The following DLGAP2 variants were observed in gnomAD, a reference collection of about 807,000 sequenced individuals.
DLGAP2 encodes disks large-associated protein 2.
In DLGAP2, 26 loss-of-function variants were observed where a neutral mutation model predicts 100.3. The ratio of observed to expected loss-of-function variants is 0.26; its 90% CI spans 0.19 to 0.36. DLGAP2 has a LOEUF of 0.36. Among genes scored for constraint, DLGAP2 ranks in the 10% least tolerant of loss-of-function variants. DLGAP2 has a pLI of 1.00. For missense variants in DLGAP2, 1,858 were observed against 1,453.2 expected, an observed-to-expected ratio of 1.28 and a Z score of -4.53; for synonymous variants, 886 against 630.1, an observed-to-expected ratio of 1.41 and a Z score of -6.08.
chr8:1,132,208 A>G (rs574093953), intron 2 of DLGAP2, among the ~76,000 whole-genome samples: 2 of 152,354 alleles, frequency 1.3e-5, no homozygotes, highest in South Asian at 4.1e-4. Context: ...ATAGAAAGCC[A>G]TGTTTTTGAT....
At chr8:1,439,335 G>T (rs531463329) in intron 3 of DLGAP2, among the ~76,000 whole-genome samples, 10 of 152,184 alleles carry the variant, frequency 6.6e-5, no homozygotes, top group Admixed American at 6.5e-5. Context: ...CGCGCTGTCT[G>T]TGGGAGCTAG....
At chr8:1,309,399 A>G (rs57053327) in intron 3 of DLGAP2, among the ~76,000 whole-genome samples, 2 of 152,298 alleles carry the variant, frequency 1.3e-5, no homozygotes, top group South Asian at 4.1e-4. Flanking sequence ...ATTTTCCAGA[A>G]AAAGCTTATC....
At chr8:1,662,105 C>T (rs897232185) in intron 8 of DLGAP2, among the ~76,000 whole-genome samples, 5 of 152,228 alleles carry the variant, frequency 3.3e-5, no homozygotes, top group Non-Finnish European at 5.9e-5. Flanking sequence ...TGAACTGATG[C>T]TTTGGAAATC....
In DLGAP2 at chr8:1,327,663, T is replaced by C. The variant is rs528141350; in HGVS notation, c.106+68780T>C. On this transcript the variant is annotated intron_variant, in intron 3 of 14. Coordinates refer to ENST00000637795, the MANE Select transcript of DLGAP2 (RefSeq NM_001346810.2). ...ATCGAGACCATCCTGACTAACACCATGAAACCCCATCTCTACTAAAAATAC... is the reference window on the plus strand; with the variant it reads ...ATCGAGACCATCCTGACTAACACCACGAAACCCCATCTCTACTAAAAATAC... Among the ~76,000 whole-genome samples the C allele has an allele frequency of 5.3e-5, 8 of 152,098 alleles. No individual in the cohort carries two copies. In the South Asian group the frequency reaches 1.7e-3, roughly 32 times the overall value.
At chr8:944,191 G>A (rs145498750) in intron 2 of DLGAP2, among the ~76,000 whole-genome samples, 230 of 151,856 alleles carry the variant, frequency 1.5e-3, no homozygotes, top group African/African-American at 4.8e-3. Flanking sequence ...GCGGTAACCC[G>A]TCCCTGTGAG....
chr8:1,490,332 C>T (rs367791761), intron 3 of DLGAP2, among the ~76,000 whole-genome samples: 8 of 152,306 alleles, frequency 5.3e-5, no homozygotes, highest in African/African-American at 1.9e-4. Context: ...GTTGAAAAGG[C>T]GCCTGTGGAG....
intron 3 of DLGAP2, among the ~76,000 whole-genome samples, chr8:1,467,248 C>T (rs954278815): frequency 1.3e-5 from 2 of 150,366 alleles, no homozygotes; most frequent in African/African-American, 5.0e-5. Context: ...TCCTTCACCA[C>T]GGTCCCTCCC....
chr8:1,288,633 C>A (rs1226722674), intron 3 of DLGAP2, among the ~76,000 whole-genome samples: 29 of 127,018 alleles, frequency 2.3e-4, no homozygotes, highest in Non-Finnish European at 4.5e-4. Context: ...AGTTTCATTT[C>A]AGTGTGTGTG....
At chr8:972,717 T>G (rs918787759) in intron 2 of DLGAP2, among the ~76,000 whole-genome samples, 2 of 152,118 alleles carry the variant, frequency 1.3e-5, no homozygotes, top group Admixed American at 6.6e-5. Flanking sequence ...GATCAGCAGA[T>G]AAACAAGTGA....
At chr8:1,513,507 C>T (rs748312966) in intron 4 of DLGAP2, among the ~76,000 whole-genome samples, 3 of 152,232 alleles carry the variant, frequency 2.0e-5, no homozygotes, top group Non-Finnish European at 4.4e-5. Context: ...GGGCCGTCAC[C>T]CCCATCAGTG....
intron 2 of DLGAP2, among the ~76,000 whole-genome samples, chr8:915,255 AC>A (rs1436711686): frequency 6.6e-6 from 1 of 152,044 alleles, no homozygotes; most frequent in African/African-American, 2.4e-5. Context: ...CATCTGTGAA[AC>A]CCATCACTGG....
chr8:926,535 C>A (rs1798819813), intron 2 of DLGAP2, among the ~76,000 whole-genome samples: 1 of 152,220 alleles, frequency 6.6e-6, no homozygotes, highest in Non-Finnish European at 1.5e-5. Flanking sequence ...GAATCTGTGC[C>A]CATTGCTCTC....
At chr8:1,027,741 T>C (rs376600695) in intron 2 of DLGAP2, among the ~76,000 whole-genome samples, 43 of 63,204 alleles carry the variant, frequency 6.8e-4, no homozygotes, top group Admixed American at 6.5e-4. Flanking sequence ...AGGTGGGGTG[T>C]CAGGCGCCCG....
At chr8:1,652,852 C>T (rs946948798) in intron 8 of DLGAP2, among the ~76,000 whole-genome samples, 2 of 152,102 alleles carry the variant, frequency 1.3e-5, no homozygotes, top group East Asian at 1.9e-4. Context: ...AAGTAAATTG[C>T]CTCCTTGGTC....
rs78425672 is a variant in DLGAP2, at chr8:1,203,624, A to G, written c.74-55227A>G. Among the ~76,000 whole-genome samples, 812 of 152,308 alleles carry G rather than the reference A, an allele frequency of 5.3e-3. 12 individuals carry two copies. Among genetic ancestry groups the G allele is most frequent in the African/African-American group, 0.019 (777 of 41,566 alleles). On this transcript the variant is annotated intron_variant, in intron 2 of 14. Transcript: ENST00000637795. ...TCTCGTTTGAATGTACTTCCTACAG[A>G]TAAGAAGAGATGTCTTTATATCAAG...
chr8:1,291,708 C>T (rs1164141097), intron 3 of DLGAP2, among the ~76,000 whole-genome samples: 1 of 152,144 alleles, frequency 6.6e-6, no homozygotes, highest in Non-Finnish European at 1.5e-5. Context: ...CAGAGCTCAT[C>T]CTGCTCAAAG....
rs1019808951 is a variant in DLGAP2, at chr8:1,188,496, C to T, written c.74-70355C>T. On this transcript the variant is annotated intron_variant, in intron 2 of 14. Transcript: ENST00000637795. ...CGGGACTTCCGTGACGTTTCCCTCACGGAATCTCACACGCCCGGGACCTCT... is the reference window on the plus strand; with the variant it reads ...CGGGACTTCCGTGACGTTTCCCTCATGGAATCTCACACGCCCGGGACCTCT... Among the ~76,000 whole-genome samples, 8 of 124,240 alleles carry T rather than the reference C, an allele frequency of 6.4e-5. 1 individual carries two copies. In the South Asian group the frequency reaches 6.9e-4, roughly 11 times the overall value. The allele number at this position is 124,240 out of a possible 152,430, so 81.5% of individuals were successfully genotyped here.
chr8:1,433,802 T>A (rs889963430), intron 3 of DLGAP2, among the ~76,000 whole-genome samples: 1 of 149,460 alleles, frequency 6.7e-6, no homozygotes, highest in Non-Finnish European at 1.5e-5. Flanking sequence ...CAGGTCATAT[T>A]TGTAGGAATC....
chr8:1,044,272 A>G (rs1019380603), intron 2 of DLGAP2, among the ~76,000 whole-genome samples: 1 of 152,252 alleles, frequency 6.6e-6, no homozygotes, highest in Non-Finnish European at 1.5e-5. Context: ...AATATGTAAG[A>G]AAATGAAAAG....
Sources: allele counts gnomAD v4.1 joint callset (sites outside exome capture counted in the v4.1 genomes callset), GRCh38; gene constraint gnomAD v4.1.1; transcripts MANE v1.5; gene names NCBI Gene and HGNC (gene_info 2026-07-23, HGNC 2026-07-21).